TESK2: variants seen among roughly 807,000 people sequenced by gnomAD.
The protein encoded by TESK2 is testis associated actin remodelling kinase 2, also known as dual specificity testis-specific protein kinase 2.
TESK2 carries 39 observed loss-of-function variants against 57.1 expected under a neutral mutation model. That is an observed-to-expected ratio of 0.68 (90% CI 0.53 to 0.89). The LOEUF (loss-of-function observed/expected upper bound fraction) is 0.89. Among genes scored for constraint, TESK2 ranks in the 40% least tolerant of loss-of-function variants. TESK2 has a pLI of 0.00. For missense variants in TESK2, 646 were observed against 732.1 expected (o/e 0.88, Z 1.36); for synonymous variants, 249 against 267.9 (o/e 0.93, Z 0.69).
At chr1:45,403,882 GAA>G (rs562862639) in intron 3 of TESK2, among the ~76,000 whole-genome samples, 2 of 84,868 alleles carry the variant, frequency 2.4e-5, no homozygotes, top group Non-Finnish European at 2.6e-5. Flanking sequence ...CCATGCAAGC[GAA>G]AAAAAAAAAA....
chr1:45,415,868 A>G (rs981455817), intron 3 of TESK2, among the ~76,000 whole-genome samples: 1 of 152,172 alleles, frequency 6.6e-6, no homozygotes, highest in African/African-American at 2.4e-5. Context: ...CCCATGGGCC[A>G]CATGTAGCCC....
chr1:45,416,998 G>A (rs992909308), intron 3 of TESK2, among the ~76,000 whole-genome samples: 1 of 151,782 alleles, frequency 6.6e-6, no homozygotes, highest in Non-Finnish European at 1.5e-5. Context: ...GTGTTAGCCA[G>A]GATGGTCTCG....
chr1:45,406,151 G>A (rs1235849509), intron 3 of TESK2, among the ~76,000 whole-genome samples: 1 of 152,084 alleles, frequency 6.6e-6, no homozygotes, highest in African/African-American at 2.4e-5. Flanking sequence ...AGAATTGCTT[G>A]AGCCAGGGGT....
At chr1:45,464,255 G>C (rs1036045922) in intron 1 of TESK2, among the ~76,000 whole-genome samples, 1 of 151,476 alleles carries the variant, frequency 6.6e-6, no homozygotes, top group Non-Finnish European at 1.5e-5. Flanking sequence ...GTGAAACCCC[G>C]TCTCTACTAA....
chr1:45,434,406 C>T (rs556036295), intron 2 of TESK2, among the ~76,000 whole-genome samples: 3 of 152,120 alleles, frequency 2.0e-5, no homozygotes, highest in Non-Finnish European at 4.4e-5. Context: ...ATCCTCCCAC[C>T]TAAGCCTCTC....
chr1:45,347,314 C>A (rs1480699921), intron 7 of TESK2, among the ~76,000 whole-genome samples: 2 of 152,114 alleles, frequency 1.3e-5, no homozygotes, highest in Non-Finnish European at 2.9e-5. Flanking sequence ...GCCTGTAATC[C>A]CAGCACTTCA....
At chr1:45,467,043 T>C (rs143112302) in intron 1 of TESK2, among the ~76,000 whole-genome samples, 51 of 152,194 alleles carry the variant, frequency 3.4e-4, no homozygotes, top group African/African-American at 1.0e-3. Flanking sequence ...TTCATAATAG[T>C]ATTTGCCTCA....
intron 4 of TESK2, among the ~76,000 whole-genome samples, chr1:45,383,489 A>G (rs1648743188): frequency 1.3e-5 from 2 of 152,206 alleles, no homozygotes; most frequent in Admixed American, 1.3e-4. Context: ...TAAAGTACAC[A>G]TTGTATGTTT....
intron 1 of TESK2, among the ~76,000 whole-genome samples, chr1:45,471,225 C>T (rs1270782286): frequency 2.0e-5 from 3 of 151,720 alleles, no homozygotes; most frequent in African/African-American, 7.3e-5. Context: ...AGCAAGACTC[C>T]GTCTCAAAAA....
At chr1:45,388,966 C>T (rs759204592) in intron 3 of TESK2, among the ~76,000 whole-genome samples, 3 of 151,904 alleles carry the variant, frequency 2.0e-5, no homozygotes, top group Non-Finnish European at 4.4e-5. Flanking sequence ...GTGATCTGCC[C>T]GTCTCAGCCT....
chr1:45,443,375 G>T (rs571659636), intron 2 of TESK2, among the ~76,000 whole-genome samples: 1 of 151,424 alleles, frequency 6.6e-6, no homozygotes, highest in Non-Finnish European at 1.5e-5. Context: ...GACCAGCCTG[G>T]CCAACATGGC....
At chr1:45,359,387 C>T (rs2149266544) in intron 4 of TESK2, among the ~76,000 whole-genome samples, 1 of 151,948 alleles carries the variant, frequency 6.6e-6, no homozygotes, top group South Asian at 2.1e-4. Context: ...TAGTGAAACC[C>T]CATCTCTACT....
intron 1 of TESK2, among the ~76,000 whole-genome samples, chr1:45,471,068 TA>T (rs1652745924): frequency 6.6e-6 from 1 of 151,956 alleles, no homozygotes; most frequent in Non-Finnish European, 1.5e-5. Flanking sequence ...CCATCTCTAC[TA>T]AAAATACAAA....
At chr1:45,481,097 G>A (rs1421658527) in intron 1 of TESK2, among the ~76,000 whole-genome samples, 2 of 152,064 alleles carry the variant, frequency 1.3e-5, no homozygotes, top group African/African-American at 4.8e-5. Context: ...CGGGCCTGGT[G>A]GCTCACGCCT....
In TESK2 at chr1:45,457,754, C is replaced by G. The variant is rs1428512439; in HGVS notation, c.32G>C (p.Gly11Ala). MDRSKRNSIA[G>A]FPPRVERLEE... is the part of the protein sequence containing the mutation. The stretch of plus-strand genomic sequence containing the variant: ...AAGACGCTCCACACGTGGAGGAAAT[C>G]CTGCAATTGAATTCCGTTTGCTCCG... The change falls in exon 2 of 11, where the codon GGA (glycine) becomes GCA (alanine). Residue 11 changes from glycine (G) to alanine (A), a missense_variant. Gly to Ala is a moderately conservative substitution (Grantham distance 60, BLOSUM62 0). Transcript: ENST00000372086. The G allele has an allele frequency of 1.9e-6, 3 of 1,614,156 alleles. No homozygotes were observed. The South Asian group carries it at 3.3e-5, about 18-fold the overall frequency.
At chr1:45,347,737 G>A (rs1647166965) in intron 6 of TESK2, 44 bp from the exon 7 acceptor site, 2 of 1,594,548 alleles carry the variant, frequency 1.3e-6, no homozygotes, top group Non-Finnish European at 1.7e-6. Context: ...CCAATGGCTG[G>A]TGCAATGGAA....
At chr1:45,445,088 C>G (rs1442082268) in intron 2 of TESK2, among the ~76,000 whole-genome samples, 2 of 152,124 alleles carry the variant, frequency 1.3e-5, no homozygotes, top group African/African-American at 4.8e-5. Flanking sequence ...ATGGCACCAC[C>G]TGGATTGGCA....
intron 1 of TESK2, among the ~76,000 whole-genome samples, chr1:45,462,939 AGAT>A (rs1056032048): frequency 5.3e-5 from 8 of 152,202 alleles, no homozygotes; most frequent in African/African-American, 1.7e-4. Flanking sequence ...TTTAAGGGTG[AGAT>A]GATAACTCAT....
intron 1 of TESK2, among the ~76,000 whole-genome samples, chr1:45,475,063 C>CAAAAAAAAA (rs58542898): frequency 6.9e-5 from 6 of 87,410 alleles, no homozygotes; most frequent in Non-Finnish European, 9.9e-5. Context: ...GACTCTATCT[C>CAAAAAAAAA]AAAAAAAAAA....
Sources: gnomAD v4.1 joint callset for allele counts (sites outside exome capture counted in the v4.1 genomes callset) on GRCh38, gnomAD v4.1.1 for gene constraint, MANE v1.5 for transcripts, NCBI Gene and HGNC (gene_info 2026-07-23, HGNC 2026-07-21) for gene names.